The following TBC1D16 variants were observed in gnomAD, a reference collection of about 807,000 sequenced individuals.
TBC1D16 encodes the protein TBC1 domain family member 16.
TBC1D16 carries 58 observed loss-of-function variants against 74.7 expected under a neutral mutation model. The ratio of observed to expected loss-of-function variants is 0.78; its 90% CI spans 0.63 to 0.97. The LOEUF (loss-of-function observed/expected upper bound fraction) is 0.97. TBC1D16 is among the 50% of genes least tolerant of loss of function. TBC1D16 has a pLI of 0.00. For missense variants in TBC1D16, 1,014 were observed against 1,079.5 expected (o/e 0.94, Z 0.85); for synonymous variants, 493 against 474.7 (o/e 1.04, Z -0.50).
chr17:80,028,848 G>A (rs868085764), intron 1 of TBC1D16, among the ~76,000 whole-genome samples: 7 of 151,958 alleles, frequency 4.6e-5, no homozygotes, highest in Admixed American at 2.0e-4. Context: ...TCCTGACCTC[G>A]TGATCCGCCT....
chr17:80,015,464 G>A (rs1171832445), intron 1 of TBC1D16, among the ~76,000 whole-genome samples: 1 of 147,592 alleles, frequency 6.8e-6, no homozygotes, highest in Non-Finnish European at 1.5e-5. Flanking sequence ...AAAAATAAAA[G>A]ACAGGCACAG....
At chr17:80,031,472 C>T (rs1251503623) in intron 1 of TBC1D16, among the ~76,000 whole-genome samples, 1 of 151,782 alleles carries the variant, frequency 6.6e-6, no homozygotes, top group African/African-American at 2.4e-5. Context: ...GAAAGAGGAC[C>T]CCTGAGAGGC....
chr17:79,946,220 G>A (rs750851139), intron 9 of TBC1D16, among the ~76,000 whole-genome samples: 2 of 152,252 alleles, frequency 1.3e-5, no homozygotes, highest in African/African-American at 2.4e-5. Context: ...ACAAGGTAGT[G>A]CGAATGGTTT....
chr17:79,952,686 G>A lies in TBC1D16; in HGVS notation c.912C>T (p.Gly304=). The change falls in exon 4 of 12, where the codon GGC becomes GGT. Residue 304 remains glycine, a synonymous_variant. Transcript: ENST00000310924. ...AGAAAAGGCGGAGGGAGCGCATGTG[G>A]CCCAGGTCCACGCGGAACACGCCGC... ...QICGVFRVDL[G]HMRSLRLFFS... 2 of 1,605,662 alleles carry A rather than the reference G, an allele frequency of 1.2e-6. No homozygotes were observed. Among genetic ancestry groups the A allele is most frequent in the Non-Finnish European group, 1.7e-6 (2 of 1,173,878 alleles).
intron 3 of TBC1D16, among the ~76,000 whole-genome samples, chr17:80,003,142 C>T (rs906793388): frequency 2.0e-5 from 3 of 152,196 alleles, no homozygotes; most frequent in Admixed American, 6.5e-5. Context: ...CAGGGGGTCC[C>T]GGCAGCACCC....
At position 79,950,230 on chromosome 17, in the gene TBC1D16, G is replaced by T. The variant is rs891038147; in HGVS notation, c.1257+181C>A. Among the ~76,000 whole-genome samples, 20 of 151,798 alleles carry T rather than the reference G, an allele frequency of 1.3e-4. No homozygotes were observed. The highest frequency in any genetic ancestry group is 4.8e-4 in the African/African-American group (20 of 41,314). On this transcript the variant is annotated intron_variant, in intron 6 of 11. Transcript: ENST00000310924. This position sits in a 1 kb window ranked among gnomAD's most constrained non-coding sequence, Gnocchi z 4.6. ...TGTTTTGTTTTTTTTTTTCAACGCA[G>T]CAGCTTTGATTGCTTTATCGGTGTG...
chr17:79,991,136 G>C (rs574426034), intron 3 of TBC1D16, among the ~76,000 whole-genome samples: 4 of 152,332 alleles, frequency 2.6e-5, no homozygotes, highest in African/African-American at 7.2e-5. Flanking sequence ...ATTTTGACAA[G>C]CAAGAGGTTC....
chr17:80,010,712 G>A lies in TBC1D16; in HGVS notation c.227C>T (p.Thr76Ile), dbSNP rs1242071747. Residue 76 changes from threonine to isoleucine, a missense_variant, in exon 3 of 12, where the codon ACC (threonine) becomes ATC (isoleucine). Thr to Ile is a moderately conservative substitution (Grantham distance 89). Coordinates refer to ENST00000310924, the MANE Select transcript of TBC1D16 (RefSeq NM_019020.4). This position sits in a 1 kb window ranked among gnomAD's most constrained non-coding sequence, Gnocchi z 8.8. ...GTTGGGGACCCATGCCAGGATGAGGGTGGCTCCCAGCATCTCATCCTTCTC... is the reference window on the plus strand; with the variant it reads ...GTTGGGGACCCATGCCAGGATGAGGATGGCTCCCAGCATCTCATCCTTCTC... Reference protein sequence around the residue: ...YMEKDEMLGATLILAWVPNSR... With the variant: ...YMEKDEMLGAILILAWVPNSR... 6 of 1,510,138 alleles carry A rather than the reference G, an allele frequency of 4.0e-6. 1 individual carries two copies. Among genetic ancestry groups the A allele is most frequent in the South Asian group, 2.7e-5 (2 of 73,404 alleles). The allele number at this position is 1,510,138 out of a possible 1,614,324, so 93.5% of individuals were successfully genotyped here.
chr17:79,943,369 A>G (rs1396992335), intron 10 of TBC1D16, among the ~76,000 whole-genome samples: 1 of 152,184 alleles, frequency 6.6e-6, no homozygotes, highest in Admixed American at 6.6e-5. Context: ...CACGATCTCC[A>G]CAGCCTGCAC....
chr17:79,984,891 C>T (rs547834974), intron 3 of TBC1D16, among the ~76,000 whole-genome samples: 2 of 149,180 alleles, frequency 1.3e-5, no homozygotes, highest in Admixed American at 6.7e-5. Context: ...GGCTCCCCCC[C>T]ACCCACCCCA....
At chr17:80,034,361 G>A (rs1343225928) in intron 1 of TBC1D16, among the ~76,000 whole-genome samples, 1 of 149,942 alleles carries the variant, frequency 6.7e-6, no homozygotes, top group East Asian at 1.9e-4. Context: ...CACCACACCG[G>A]GCTAATTTTT....
intron 9 of TBC1D16, 142 bp downstream of exon 9, chr17:79,947,503 G>A (rs752803279): frequency 2.9e-5 from 26 of 900,212 alleles, no homozygotes; most frequent in Non-Finnish European, 3.9e-5. Context: ...ATATCCCACG[G>A]GCAAGTCCTA....
At chr17:80,021,883 C>T (rs1598438375) in intron 1 of TBC1D16, among the ~76,000 whole-genome samples, 1 of 151,004 alleles carries the variant, frequency 6.6e-6, no homozygotes, top group East Asian at 1.9e-4. Context: ...CACACCATGA[C>T]ACACAAACAC....
At chr17:79,998,111 G>A (rs1244932005) in intron 3 of TBC1D16, among the ~76,000 whole-genome samples, 2 of 104,390 alleles carry the variant, frequency 1.9e-5, no homozygotes, top group South Asian at 3.0e-4. Flanking sequence ...GGCACAAAGA[G>A]CAAAACTCTG....
At chr17:80,032,056 A>G (rs979588787) in intron 1 of TBC1D16, among the ~76,000 whole-genome samples, 3 of 152,264 alleles carry the variant, frequency 2.0e-5, no homozygotes, top group African/African-American at 7.2e-5. Context: ...CCTTTCCCCC[A>G]CTTCCAGAAG....
chr17:79,997,259 CTCAATT>C (rs2035308388), intron 3 of TBC1D16, among the ~76,000 whole-genome samples: 1 of 152,156 alleles, frequency 6.6e-6, no homozygotes. Context: ...CTGTACCAAC[CTCAATT>C]TCCTGGTTTG....
chr17:79,949,085 C>T (rs1357571811), intron 7 of TBC1D16, 79 bp from the exon 8 acceptor site: 5 of 1,575,408 alleles, frequency 3.2e-6, no homozygotes, highest in Non-Finnish European at 2.6e-6. Flanking sequence ...TGCAGGAAGC[C>T]ACCCTTCCTC....
intron 3 of TBC1D16, among the ~76,000 whole-genome samples, chr17:79,999,587 G>A (rs1248235110): frequency 8.3e-6 from 1 of 120,368 alleles, no homozygotes; most frequent in African/African-American, 3.3e-5. Context: ...CTGTTGCCCA[G>A]GCTGGAGTGC....
rs553758950 is a variant in TBC1D16 at position 79,987,463 on chromosome 17, T to C, written c.779+22697A>G. Among the ~76,000 whole-genome samples the C allele has an allele frequency of 1.1e-3, 169 of 152,102 alleles. No individual in the cohort carries two copies. Among genetic ancestry groups the C allele is most frequent in the Middle Eastern group, 3.4e-3 (1 of 294 alleles). On this transcript the variant is annotated intron_variant, in intron 3 of 11. Transcript: ENST00000310924. The surrounding 1 kb of genome is among the most constrained non-coding windows in gnomAD (Gnocchi z 5.2). The stretch of plus-strand genomic sequence containing the variant: ...GGTCTCGCTATGTTGTCCAGGCTGA[T>C]CTTGAACTCCTGGGCTCAAGCGCTC...
Sources: gnomAD v4.1 joint callset for allele counts (sites outside exome capture counted in the v4.1 genomes callset) on GRCh38, gnomAD v4.1.1 for gene constraint, Gnocchi (gnomAD v3.1) non-coding constraint, MANE v1.5 for transcripts, NCBI Gene and HGNC (gene_info 2026-07-23, HGNC 2026-07-21) for gene names.